The following SLC17A3 variants were observed in gnomAD, a reference collection of about 807,000 sequenced individuals.
SLC17A3 encodes the protein sodium-dependent phosphate transport protein 4.
Under a neutral mutation model 60.3 loss-of-function variants are expected in SLC17A3, and 61 were observed. The observed-to-expected ratio is 1.01, with a 90% confidence interval of 0.82 to 1.25. The LOEUF is 1.25. Among genes scored for constraint, SLC17A3 ranks in the 50% most tolerant of loss-of-function variants. The probability of loss-of-function intolerance (pLI) is 0.00; values close to 1 mark genes in which losing one functional copy is unlikely to be tolerated. For synonymous variants in SLC17A3, 192 were observed against 208.9 expected (o/e 0.92, Z 0.70); for missense variants, 624 against 594.9 (o/e 1.05, Z -0.51).
At position 25,845,455 on chromosome 6, in the gene SLC17A3, A is replaced by G. The variant is rs1183864094; in HGVS notation, c.1424T>C (p.Leu475Pro). The G allele has an allele frequency of 6.2e-7, 1 of 1,614,050 alleles. No homozygotes were observed. The highest frequency in any genetic ancestry group is 1.7e-5 in the Admixed American group (1 of 60,024). The stretch of plus-strand genomic sequence containing the variant: ...TTCTCCAAATATGAGGTAGAAGAGT[A>G]GTCCTAACAGGTTAACGGCAAACAG... ...FLLFAVNLLG[L>P]LFYLIFGEAD... Residue 475 changes from leucine (L) to proline (P), a missense_variant, in exon 12 of 13, where the codon CTA (leucine) becomes CCA (proline). By Grantham distance (98) the Leu-to-Pro change is moderately conservative (BLOSUM62 -3). Transcript: ENST00000397060.
At chr6:25,869,454 T>C (rs1390742845) in intron 1 of SLC17A3, among the ~76,000 whole-genome samples, 1 of 151,968 alleles carries the variant, frequency 6.6e-6, no homozygotes, top group Non-Finnish European at 1.5e-5. Flanking sequence ...CTTCTTAGTA[T>C]CTCTTTATAA....
At chr6:25,862,876 ATAAC>A in intron 2 of SLC17A3, among the ~76,000 whole-genome samples, 1 of 151,694 alleles carries the variant, frequency 6.6e-6, no homozygotes, top group African/African-American at 2.4e-5. Context: ...CTTTGTATGT[ATAAC>A]TATATATACA....
chr6:25,865,923 A>G (rs914879305), intron 2 of SLC17A3, among the ~76,000 whole-genome samples: 2 of 152,008 alleles, frequency 1.3e-5, no homozygotes, highest in Non-Finnish European at 2.9e-5. Context: ...ACACCATGAA[A>G]TCATAGGTTT....
chr6:25,848,266 A>C (rs901995256), intron 11 of SLC17A3, among the ~76,000 whole-genome samples: 1 of 152,244 alleles, frequency 6.6e-6, no homozygotes, highest in Admixed American at 6.5e-5. Flanking sequence ...GAAACCCAGT[A>C]GTGGGATGGC....
chr6:25,872,745 A>G (rs1277301306), intron 1 of SLC17A3, among the ~76,000 whole-genome samples: 1 of 151,904 alleles, frequency 6.6e-6, no homozygotes, highest in Non-Finnish European at 1.5e-5. Context: ...CCAGCCCTGC[A>G]TCTGCATTGC....
intron 1 of SLC17A3, among the ~76,000 whole-genome samples, chr6:25,869,403 C>T (rs1464195850): frequency 1.3e-5 from 2 of 151,884 alleles, no homozygotes; most frequent in African/African-American, 2.4e-5. Context: ...TAGTACTTAA[C>T]CACAACTGCC....
Sources: gnomAD v4.1 joint callset for allele counts (sites outside exome capture counted in the v4.1 genomes callset) on GRCh38, gnomAD v4.1.1 for gene constraint, MANE v1.5 for transcripts, NCBI Gene and HGNC (gene_info 2026-07-23, HGNC 2026-07-21) for gene names.